The following FMNL3 variants were observed in gnomAD, a reference collection of about 807,000 sequenced individuals.
FMNL3 encodes the protein formin-like protein 3.
In FMNL3, 57 loss-of-function variants were observed where a neutral mutation model predicts 119.6. That is an observed-to-expected ratio of 0.48 (90% CI 0.39 to 0.59). The LOEUF (loss-of-function observed/expected upper bound fraction) is 0.59, where lower values mean the gene tolerates loss of function less well. Ranked by LOEUF, FMNL3 falls within the 20% of genes least tolerant of loss-of-function variation. The pLI, the probability that FMNL3 is intolerant of heterozygous loss-of-function variation, is 0.00. For synonymous variants in FMNL3, 491 were observed against 507.3 expected, an observed-to-expected ratio of 0.97 and a Z score of 0.43; for missense variants, 1,053 against 1,323.5, an observed-to-expected ratio of 0.80 and a Z score of 3.17.
chr12:49,636,840 G>A lies in FMNL3; in HGVS notation c.*8975C>T. The A allele has an allele frequency of 1.2e-6, 2 of 1,613,954 alleles. No individual in the cohort carries two copies. The highest frequency in any genetic ancestry group is 8.5e-7 in the Non-Finnish European group (1 of 1,180,032). ...GACGCCAACAACGCAAGAATCGGGA[G>A]GCCTTCCAGGTATCTTTGCTGTCCT... On this transcript the variant is annotated 3_prime_UTR_variant, in exon 26 of 26. Coordinates refer to ENST00000335154, the MANE Select transcript of FMNL3 (RefSeq NM_175736.5).
rs1179577589 is a variant in FMNL3 at position 49,639,856 on chromosome 12, T to C, written c.*5959A>G. 1 of 152,174 alleles carries C rather than the reference T, an allele frequency of 6.6e-6. No homozygotes were observed. The highest frequency in any genetic ancestry group is 1.5e-5 in the Non-Finnish European group (1 of 68,028). 9.4% of individuals were successfully genotyped at this position (152,174 alleles called of 1,614,324 possible). A position where few individuals can be genotyped will look rare whatever the true frequency, so the allele number is the denominator to read the frequency against. On this transcript the variant is annotated 3_prime_UTR_variant, in exon 26 of 26. Transcript: ENST00000335154. ...AGGCTGTAGAAAATAGGAATTCTAT[T>C]TGGGGAATTACTCTCAAAGCAAATA...
chr12:49,665,955 G>T, intron 3 of FMNL3, 47 bp from the exon 4 acceptor site: 1 of 1,599,148 alleles, frequency 6.3e-7, no homozygotes. Context: ...GGCAGTTATA[G>T]ACTTTCCCTC....
rs771169576 is a variant in FMNL3 at position 49,636,873 on chromosome 12, T to A, written c.*8942A>T. The stretch of plus-strand genomic sequence containing the variant: ...AGGTATCTTTGCTGTCCTTTCTAGA[T>A]CAGAGCTCAGCTCTGCCCTAGAGCA... On this transcript the variant is annotated 3_prime_UTR_variant, in exon 26 of 26. Coordinates refer to ENST00000335154, the MANE Select transcript of FMNL3 (RefSeq NM_175736.5). The A allele has an allele frequency of 1.9e-6, 3 of 1,612,762 alleles. No individual in the cohort carries two copies. The highest frequency in any genetic ancestry group is 2.2e-5 in the South Asian group (2 of 91,016).
In FMNL3 at chr12:49,644,120, A is replaced by AAGTGAGCTGAGTGAG; in HGVS notation, c.*1680_*1694dup. The AAGTGAGCTGAGTGAG allele has an allele frequency of 1.9e-6, 3 of 1,614,166 alleles. No individual in the cohort carries two copies. The highest frequency in any genetic ancestry group is 2.5e-6 in the Non-Finnish European group (3 of 1,180,034). Reference sequence around the variant, plus strand: ...AACAGACAGGCTGGGACACGTCAGAAAGTGAGCTGAGTGAGGGTGAGCTGG... The same window carrying AAGTGAGCTGAGTGAG: ...AACAGACAGGCTGGGACACGTCAGAAAGTGAGCTGAGTGAGAGTGAGCTGAGTGAGGGTGAGCTGG... On this transcript the variant is annotated 3_prime_UTR_variant, in exon 26 of 26. Coordinates refer to ENST00000335154, the MANE Select transcript of FMNL3 (RefSeq NM_175736.5).
Position 49,642,339 on chromosome 12 carries a change from G to C in FMNL3, c.*3476C>G. ...TTCGAAGCATGCTGAGGCAGGCTGT[G>C]CCTGCTCTGGAGCTAGGCACTGCCT... On this transcript the variant is annotated 3_prime_UTR_variant, in exon 26 of 26. Coordinates refer to ENST00000335154, the MANE Select transcript of FMNL3 (RefSeq NM_175736.5). This position sits in a 1 kb window ranked among gnomAD's most constrained non-coding sequence, Gnocchi z 5.8. 6.2e-7 allele frequency: 1 copy of C among 1,614,008 alleles called. No individual in the cohort carries two copies. Among genetic ancestry groups the C allele is most frequent in the Non-Finnish European group, 8.5e-7 (1 of 1,180,040 alleles).
chr12:49,650,928 A>C, intron 16 of FMNL3, 50 bp from the exon 17 acceptor site: 1 of 1,601,778 alleles, frequency 6.2e-7, no homozygotes, highest in Non-Finnish European at 8.5e-7. Flanking sequence ...ATACTAGTGG[A>C]GGACCTCATG....
Position 49,647,591 on chromosome 12 carries a change from T to C in FMNL3, c.2778+112A>G. ...CCTGTCACCAGCTTGCATCGCTCCCTTCCCAGGACTCGGAGGAGGAGTCGG... is the reference window on the plus strand; with the variant it reads ...CCTGTCACCAGCTTGCATCGCTCCCCTCCCAGGACTCGGAGGAGGAGTCGG... On this transcript the variant is annotated intron_variant, in intron 23 of 25. Transcript: ENST00000335154. This position sits in a 1 kb window ranked among gnomAD's most constrained non-coding sequence, Gnocchi z 4.9. 9.5e-7 allele frequency: 1 copy of C among 1,054,990 alleles called. No homozygotes were observed. 65.4% of individuals were successfully genotyped at this position (1,054,990 alleles called of 1,614,324 possible). A position where few individuals can be genotyped will look rare whatever the true frequency, so the allele number is the denominator to read the frequency against.
In FMNL3 at chr12:49,644,047, C is replaced by T. The variant is rs373063136; in HGVS notation, c.*1768G>A. The T allele has an allele frequency of 2.2e-5, 35 of 1,614,170 alleles. No homozygotes were observed. The highest frequency in any genetic ancestry group is 2.9e-5 in the Non-Finnish European group (34 of 1,180,012). On this transcript the variant is annotated 3_prime_UTR_variant, in exon 26 of 26. Transcript: ENST00000335154. ...TAGGCCAGTCAGCACGCTGGTCAAG[C>T]TTCCACGGCCCTTAGTGCAGGCTAA...
At chr12:49,662,981 C>A (rs550502832) in intron 4 of FMNL3, among the ~76,000 whole-genome samples, 15 of 152,306 alleles carry the variant, frequency 9.8e-5, no homozygotes, top group Admixed American at 3.3e-4. Context: ...AACTGCCCTG[C>A]GGGGCCTTTC....
In FMNL3 at chr12:49,641,835, T is replaced by A. The variant is rs992775763; in HGVS notation, c.*3980A>T. ...CAAGGGCCTTCTTGACCATCTGTAATGTGACCACTCTGCCTGCCAGCTTTG... is the reference window on the plus strand; with the variant it reads ...CAAGGGCCTTCTTGACCATCTGTAAAGTGACCACTCTGCCTGCCAGCTTTG... On this transcript the variant is annotated 3_prime_UTR_variant, in exon 26 of 26. Coordinates refer to ENST00000335154, the MANE Select transcript of FMNL3 (RefSeq NM_175736.5). 4 of 1,274,760 alleles carry A rather than the reference T, an allele frequency of 3.1e-6. No individual in the cohort carries two copies. In the African/African-American group the frequency reaches 5.8e-5, roughly 19 times the overall value. 79.0% of individuals were successfully genotyped at this position (1,274,760 alleles called of 1,614,324 possible). A position where few individuals can be genotyped will look rare whatever the true frequency, so the allele number is the denominator to read the frequency against.
chr12:49,654,420 T>A, intron 10 of FMNL3, 118 bp from the exon 11 acceptor site: 1 of 723,672 alleles, frequency 1.4e-6, no homozygotes, highest in South Asian at 1.7e-5. Flanking sequence ...AGGGAGTCAA[T>A]TAAAGAGTTA....
intron 9 of FMNL3, among the ~76,000 whole-genome samples, chr12:49,656,023 G>A (rs1444637677): frequency 2.0e-5 from 3 of 152,156 alleles, no homozygotes; most frequent in African/African-American, 7.2e-5. Context: ...TGGGTTCACC[G>A]CATCAGACTC....
At chr12:49,650,047 C>CAAAG (rs1943347066) in intron 17 of FMNL3, 122 bp from the exon 18 acceptor site, 1 of 778,000 alleles carries the variant, frequency 1.3e-6, no homozygotes, top group Non-Finnish European at 2.1e-6. Context: ...CAGCCAAAGG[C>CAAAG]AAAGGACCCA....
At position 49,639,732 on chromosome 12, in the gene FMNL3, A is replaced by C. The variant is rs1351386375; in HGVS notation, c.*6083T>G. 1 of 152,222 alleles carries C rather than the reference A, an allele frequency of 6.6e-6. No homozygotes were observed. Among genetic ancestry groups the C allele is most frequent in the African/African-American group, 2.4e-5 (1 of 41,454 alleles). 9.4% of individuals were successfully genotyped at this position (152,222 alleles called of 1,614,324 possible). On this transcript the variant is annotated 3_prime_UTR_variant, in exon 26 of 26. Transcript: ENST00000335154. ...CACCAGTGGGATAGAGTCACTAAGT[A>C]GAATTGATAGATTTTGTGAAATGGA...
chr12:49,651,903 C>G (rs2138742192), intron 14 of FMNL3, 30 bp downstream of exon 14: 1 of 1,544,000 alleles, frequency 6.5e-7, no homozygotes. Context: ...GAGGCTGCCC[C>G]TGTTGGCTCC....
chr12:49,707,395 C>G lies in FMNL3; in HGVS notation c.-215G>C, dbSNP rs1945080696. On this transcript the variant is annotated 5_prime_UTR_variant, in exon 1 of 26. Coordinates refer to ENST00000335154, the MANE Select transcript of FMNL3 (RefSeq NM_175736.5). ...AGCGGACAGCCGCACCGAAGCAAGG[C>G]GGACGGAGGCGGCCGGCTCTTGCTC... The G allele has an allele frequency of 2.7e-6, 1 of 367,410 alleles. No individual in the cohort carries two copies. The highest frequency in any genetic ancestry group is 4.1e-5 in the East Asian group (1 of 24,218). 22.8% of individuals were successfully genotyped at this position (367,410 alleles called of 1,614,324 possible). A position where few individuals can be genotyped will look rare whatever the true frequency, so the allele number is the denominator to read the frequency against.
intron 13 of FMNL3, 34 bp from the exon 14 acceptor site, chr12:49,652,246 G>A (rs1203108989): frequency 6.3e-7 from 1 of 1,596,898 alleles, no homozygotes; most frequent in African/African-American, 1.3e-5. Flanking sequence ...AGGGAAAAGT[G>A]GGCTGAAGGC....
intron 1 of FMNL3, among the ~76,000 whole-genome samples, chr12:49,691,299 T>A (rs1944594028): frequency 6.6e-6 from 1 of 152,120 alleles, no homozygotes; most frequent in Admixed American, 6.5e-5. Flanking sequence ...TTATTAGCTA[T>A]CCTTATTCCT....
At chr12:49,672,943 A>C (rs1257544279) in intron 1 of FMNL3, among the ~76,000 whole-genome samples, 1 of 152,224 alleles carries the variant, frequency 6.6e-6, no homozygotes, top group African/African-American at 2.4e-5. Flanking sequence ...CATAGCTTCG[A>C]GAGACAGGGA....
Sources: allele counts gnomAD v4.1 joint callset (sites outside exome capture counted in the v4.1 genomes callset), GRCh38; gene constraint gnomAD v4.1.1; non-coding constraint Gnocchi (gnomAD v3.1); transcripts MANE v1.5; gene names NCBI Gene and HGNC (gene_info 2026-07-23, HGNC 2026-07-21).